RBMS1: variants seen among roughly 807,000 people sequenced by gnomAD.
The protein encoded by RBMS1 is RNA-binding motif, single-stranded-interacting protein 1.
A neutral mutation model predicts 62.3 loss-of-function variants in RBMS1; 17 were observed. The observed-to-expected ratio is 0.27, with a 90% CI of 0.19 to 0.41. The LOEUF (loss-of-function observed/expected upper bound fraction) is 0.41, where lower values mean the gene tolerates loss of function less well. Among genes scored for constraint, RBMS1 ranks in the 10% least tolerant of loss-of-function variants. The probability of loss-of-function intolerance (pLI) is 1.00; values close to 1 mark genes in which losing one functional copy is unlikely to be tolerated. For synonymous variants in RBMS1, 172 were observed against 170.0 expected (o/e 1.01, Z -0.09); for missense variants, 334 against 504.5 (o/e 0.66, Z 3.24).
chr2:160,284,930 AT>A, intron 8 of RBMS1, 62 bp from the exon 9 acceptor site: 1 of 1,572,314 alleles, frequency 6.4e-7, no homozygotes, highest in South Asian at 1.1e-5. Context: ...CATGGAACAA[AT>A]GTCTGATATT....
At chr2:160,390,688 C>CAAAAAAAA (rs34478081) in intron 1 of RBMS1, among the ~76,000 whole-genome samples, 1 of 60,628 alleles carries the variant, frequency 1.6e-5, no homozygotes, top group Non-Finnish European at 3.3e-5. Flanking sequence ...GACCCAGTCT[C>CAAAAAAAA]AAAAAAAAAA....
At chr2:160,407,771 T>A in intron 1 of RBMS1, 1 of 981,026 alleles carries the variant, frequency 1.0e-6, no homozygotes, top group Non-Finnish European at 1.2e-6. Context: ...CTCGAGCAGC[T>A]CGGGCAGCCG....
chr2:160,420,879 T>A (rs1696397136), intron 1 of RBMS1, among the ~76,000 whole-genome samples: 1 of 152,244 alleles, frequency 6.6e-6, no homozygotes, highest in South Asian at 2.1e-4. Flanking sequence ...ATAAAAATTA[T>A]AGCCTCTTGA....
chr2:160,344,531 C>A (rs994910031), intron 2 of RBMS1, among the ~76,000 whole-genome samples: 8 of 152,064 alleles, frequency 5.3e-5, no homozygotes, highest in African/African-American at 1.9e-4. Flanking sequence ...TAGTCTACGA[C>A]TCCAACAGTA....
chr2:160,392,662 G>A (rs150571266), intron 1 of RBMS1, among the ~76,000 whole-genome samples: 3 of 152,224 alleles, frequency 2.0e-5, no homozygotes, highest in Non-Finnish European at 4.4e-5. Flanking sequence ...AGTCAAGGTG[G>A]GAGAACTGCT....
chr2:160,481,441 T>A (rs923364632), intron 1 of RBMS1, among the ~76,000 whole-genome samples: 2 of 151,530 alleles, frequency 1.3e-5, no homozygotes, highest in African/African-American at 2.4e-5. Flanking sequence ...CATAAAAGAT[T>A]GGTAAATTTT....
chr2:160,309,295 G>T (rs1242203628), intron 4 of RBMS1, among the ~76,000 whole-genome samples: 4 of 152,208 alleles, frequency 2.6e-5, no homozygotes, highest in Non-Finnish European at 4.4e-5. Flanking sequence ...CGACCACTCA[G>T]GGAGCTCGAT....
intron 7 of RBMS1, 142 bp downstream of exon 7, chr2:160,286,827 T>C: frequency 6.8e-7 from 1 of 1,480,842 alleles, no homozygotes; most frequent in Non-Finnish European, 9.0e-7. Flanking sequence ...TGAATTATAA[T>C]GTACCGAAAG....
chr2:160,400,608 T>C (rs771805456), intron 1 of RBMS1, among the ~76,000 whole-genome samples: 33 of 152,264 alleles, frequency 2.2e-4, no homozygotes, highest in Middle Eastern at 3.4e-3. Flanking sequence ...ACAGCTACTC[T>C]CCTGAAAAGT....
In RBMS1 at chr2:160,413,840, T is replaced by C. The variant is rs58567805; in HGVS notation, c.76-46449A>G. On this transcript the variant is annotated intron_variant, in intron 1 of 13. Transcript: ENST00000348849. The stretch of plus-strand genomic sequence containing the variant: ...TATCCCATTTTACCAAAGAGAAAAC[T>C]GAGTAACTTGCCCAAGGTCACAAAT... Among the ~76,000 whole-genome samples the C allele has an allele frequency of 5.1e-3, 782 of 152,302 alleles. 8 individuals carry two copies. The highest frequency in any genetic ancestry group is 0.018 in the African/African-American group (749 of 41,552).
At chr2:160,294,988 T>C (rs1269596512) in intron 6 of RBMS1, among the ~76,000 whole-genome samples, 3 of 146,226 alleles carry the variant, frequency 2.1e-5, no homozygotes, top group East Asian at 2.0e-4. Flanking sequence ...AAACTGGTAC[T>C]CAAAAGAATT....
chr2:160,462,712 G>A (rs1239291902), intron 1 of RBMS1, among the ~76,000 whole-genome samples: 5 of 152,080 alleles, frequency 3.3e-5, no homozygotes, highest in Admixed American at 2.0e-4. Flanking sequence ...GGGTTCAAGC[G>A]ATTCTCCTGC....
rs535779378 is a variant in RBMS1, at chr2:160,307,037, A to C, written c.403-3550T>G. On this transcript the variant is annotated intron_variant, in intron 4 of 13. Transcript: ENST00000348849. ...CATAACAAGTAGAAAACTAGATCTC[A>C]CATTGGCCGTCAGAGTGATAAACAG... Among the ~76,000 whole-genome samples the C allele has an allele frequency of 4.7e-4, 71 of 152,284 alleles. No homozygotes were observed. In the South Asian group the frequency reaches 0.011, roughly 24 times the overall value.
rs1458605366 is a variant in RBMS1 at position 160,435,848 on chromosome 2, T to C, written c.75+57441A>G. On this transcript the variant is annotated intron_variant, in intron 1 of 13. Transcript: ENST00000348849. The stretch of plus-strand genomic sequence containing the variant: ...CATTCATTATAGTATCCTAATGACT[T>C]AGAGTGTGTAACTAAATGTTTCATC... Among the ~76,000 whole-genome samples the C allele has an allele frequency of 2.0e-5, 3 of 152,316 alleles. No homozygotes were observed. The East Asian group carries it at 5.8e-4, about 29-fold the overall frequency.
Position 160,412,441 on chromosome 2 carries a change from G to A in RBMS1, c.76-45050C>T, listed in dbSNP as rs186311361. 3.6e-3 allele frequency among the ~76,000 whole-genome samples: 547 copies of A among 152,304 alleles called. 4 individuals carry two copies. Among genetic ancestry groups the A allele is most frequent in the Admixed American group, 7.8e-3 (120 of 15,294 alleles). ...ACCTATCCACAAAGCTAGTAAGCAA[G>A]TAGCAAACTAGGATTAAAATCTAGA... On this transcript the variant is annotated intron_variant, in intron 1 of 13. Coordinates refer to ENST00000348849, the MANE Select transcript of RBMS1 (RefSeq NM_016836.4).
chr2:160,338,486 A>G (rs1691696330), intron 2 of RBMS1, among the ~76,000 whole-genome samples: 1 of 152,192 alleles, frequency 6.6e-6, no homozygotes, highest in Non-Finnish European at 1.5e-5. Flanking sequence ...TTGTCTATCT[A>G]AATAAGGTCT....
chr2:160,421,209 A>G (rs1317956680), intron 1 of RBMS1, among the ~76,000 whole-genome samples: 2 of 151,442 alleles, frequency 1.3e-5, no homozygotes, highest in African/African-American at 4.9e-5. Flanking sequence ...GGTTTGTTAC[A>G]TATATATACC....
At chr2:160,450,633 T>C (rs1050310178) in intron 1 of RBMS1, among the ~76,000 whole-genome samples, 1 of 148,888 alleles carries the variant, frequency 6.7e-6, no homozygotes, top group Non-Finnish European at 1.5e-5. Flanking sequence ...TAGATGTAGA[T>C]AGAATGCCTT....
intron 1 of RBMS1, among the ~76,000 whole-genome samples, chr2:160,469,382 T>C (rs1448471189): frequency 1.3e-5 from 2 of 152,142 alleles, no homozygotes; most frequent in African/African-American, 4.8e-5. Flanking sequence ...TTGGTTCTTG[T>C]TGCCACCCAG....
Sources: gnomAD v4.1 joint callset for allele counts (sites outside exome capture counted in the v4.1 genomes callset) on GRCh38, gnomAD v4.1.1 for gene constraint, MANE v1.5 for transcripts, NCBI Gene and HGNC (gene_info 2026-07-23, HGNC 2026-07-21) for gene names.